The following SLC9A2 variants were observed in gnomAD, a reference collection of about 807,000 sequenced individuals.
The protein encoded by SLC9A2 is sodium/hydrogen exchanger 2.
SLC9A2 carries 42 observed loss-of-function variants against 71.7 expected under a neutral mutation model. That is an observed-to-expected ratio of 0.59 (90% CI 0.46 to 0.76). The LOEUF is 0.76. SLC9A2 is among the 30% of genes least tolerant of loss of function. The pLI, the probability that SLC9A2 is intolerant of heterozygous loss-of-function variation, is 0.00. For synonymous variants in SLC9A2, 396 were observed against 392.5 expected, an observed-to-expected ratio of 1.01 and a Z score of -0.10; for missense variants, 829 against 1,017.4, an observed-to-expected ratio of 0.81 and a Z score of 2.52.
At chr2:102,697,663 C>T (rs1677793334) in intron 7 of SLC9A2, among the ~76,000 whole-genome samples, 1 of 146,272 alleles carries the variant, frequency 6.8e-6, no homozygotes, top group African/African-American at 2.5e-5. Context: ...CTGTATATCA[C>T]AGGTAGAGCA....
In SLC9A2 at chr2:102,619,910, T is replaced by C; in HGVS notation, c.62T>C (p.Leu21Pro). 1 of 1,598,606 alleles carries C rather than the reference T, an allele frequency of 6.3e-7. No homozygotes were observed. ...CCACTGCCTCCGATGCTGTTGCTGC[T>C]GCTCCTGCAGGTGGCGGGGCCCGTG... ...RAPLPPMLLL[L>P]LLQVAGPVGA... Residue 21 changes from leucine (L) to proline (P), a missense_variant, in exon 1 of 12, where the codon CTG becomes CCG. By Grantham distance (98) the Leu-to-Pro change is moderately conservative. Coordinates refer to ENST00000233969, the MANE Select transcript of SLC9A2 (RefSeq NM_003048.6). This position sits in a 1 kb window ranked among gnomAD's most constrained non-coding sequence, Gnocchi z 4.3.
chr2:102,670,974 C>G (rs1379768828), intron 3 of SLC9A2, among the ~76,000 whole-genome samples: 1 of 147,490 alleles, frequency 6.8e-6, no homozygotes, highest in Non-Finnish European at 1.5e-5. Context: ...GCCAGAATAA[C>G]CAGTTCAACA....
intron 1 of SLC9A2, among the ~76,000 whole-genome samples, chr2:102,630,298 T>C (rs1470968959): frequency 6.6e-6 from 1 of 152,038 alleles, no homozygotes; most frequent in Admixed American, 6.6e-5. Flanking sequence ...TAGTCTTGTA[T>C]GGAAACATCT....
intron 2 of SLC9A2, among the ~76,000 whole-genome samples, chr2:102,664,554 T>C (rs1274684316): frequency 2.6e-5 from 4 of 151,668 alleles, no homozygotes; most frequent in Non-Finnish European, 5.9e-5. Flanking sequence ...CATGTATGTG[T>C]GGGCGGGGAG....
At chr2:102,634,456 A>G (rs897006001) in intron 1 of SLC9A2, among the ~76,000 whole-genome samples, 2 of 152,156 alleles carry the variant, frequency 1.3e-5, no homozygotes, top group Non-Finnish European at 2.9e-5. Context: ...TGTTGTGAGG[A>G]TAGAGTTAAC....
At chr2:102,634,083 A>G (rs1476063805) in intron 1 of SLC9A2, among the ~76,000 whole-genome samples, 1 of 152,198 alleles carries the variant, frequency 6.6e-6, no homozygotes, top group African/African-American at 2.4e-5. Flanking sequence ...TAAATGAGTA[A>G]CTCAATAAAA....
At chr2:102,677,195 C>T (rs1312711452) in intron 3 of SLC9A2, among the ~76,000 whole-genome samples, 1 of 151,890 alleles carries the variant, frequency 6.6e-6, no homozygotes, top group Non-Finnish European at 1.5e-5. Flanking sequence ...TGGAGTAATA[C>T]AGAGGAAAAA....
intron 5 of SLC9A2, among the ~76,000 whole-genome samples, chr2:102,689,481 T>A (rs1163463791): frequency 6.7e-6 from 1 of 149,506 alleles, no homozygotes; most frequent in Non-Finnish European, 1.5e-5. Context: ...CCAACTGGAA[T>A]GATGATGCTC....
chr2:102,678,782 A>G (rs1677391809), intron 3 of SLC9A2, among the ~76,000 whole-genome samples: 1 of 152,056 alleles, frequency 6.6e-6, no homozygotes, highest in Non-Finnish European at 1.5e-5. Context: ...AGAAATGGAG[A>G]CTCATATGTA....
chr2:102,688,717 A>G (rs1677602526), intron 5 of SLC9A2, among the ~76,000 whole-genome samples: 1 of 152,234 alleles, frequency 6.6e-6, no homozygotes, highest in East Asian at 1.9e-4. Flanking sequence ...ACAGAGCAAG[A>G]CTCTGTCTCA....
intron 1 of SLC9A2, among the ~76,000 whole-genome samples, chr2:102,649,714 A>G (rs1348569961): frequency 2.0e-5 from 3 of 152,232 alleles, no homozygotes; most frequent in South Asian, 4.1e-4. Flanking sequence ...AACAAACATG[A>G]AAAAAAGCTC....
At chr2:102,665,530 T>A (rs1208655363) in intron 3 of SLC9A2, among the ~76,000 whole-genome samples, 180 bp downstream of exon 3, 1 of 151,994 alleles carries the variant, frequency 6.6e-6, no homozygotes. Context: ...ATCCCAGCAC[T>A]TTGGGAGGCC....
At position 102,683,405 on chromosome 2, in the gene SLC9A2, G is replaced by A. The variant is rs1677491924; in HGVS notation, c.1149G>A (p.Val383=). Reference sequence around the variant, plus strand: ...TCATCTTCATGGGTGTGTCTACCGTGGGCAAGAACCACGAGTGGAACTGGG... The same window carrying A: ...TCATCTTCATGGGTGTGTCTACCGTAGGCAAGAACCACGAGTGGAACTGGG... ...LIFIFMGVST[V]GKNHEWNWAF... is the part of the protein sequence containing the mutation. The change falls in exon 4 of 12, where the codon GTG becomes GTA. Residue 383 remains valine (V), a synonymous_variant. Coordinates refer to ENST00000233969, the MANE Select transcript of SLC9A2 (RefSeq NM_003048.6). The A allele has an allele frequency of 1.2e-6, 2 of 1,614,176 alleles. No individual in the cohort carries two copies. Among genetic ancestry groups the A allele is most frequent in the Non-Finnish European group, 1.7e-6 (2 of 1,180,022 alleles).
chr2:102,705,012 G>C (rs984439625), intron 10 of SLC9A2, among the ~76,000 whole-genome samples: 4 of 152,018 alleles, frequency 2.6e-5, no homozygotes. Context: ...GACCAGCCTG[G>C]GCAACACGGT....
chr2:102,709,438 G>C lies in SLC9A2; in HGVS notation c.*949G>C, dbSNP rs1425099645. The C allele has an allele frequency of 6.6e-6, 1 of 152,418 alleles. No individual in the cohort carries two copies. Among genetic ancestry groups the C allele is most frequent in the Non-Finnish European group, 1.5e-5 (1 of 68,038 alleles). The allele number at this position is 152,418 out of a possible 1,614,324, so 9.4% of individuals were successfully genotyped here. A position where few individuals can be genotyped will look rare whatever the true frequency, so the allele number is the denominator to read the frequency against. ...TGCTGATCTATGATCACCTGCTTCAGTAGAATTTTTCTGTAGAGTGTTGTT... is the reference window on the plus strand; with the variant it reads ...TGCTGATCTATGATCACCTGCTTCACTAGAATTTTTCTGTAGAGTGTTGTT... On this transcript the variant is annotated 3_prime_UTR_variant, in exon 12 of 12. Coordinates refer to ENST00000233969, the MANE Select transcript of SLC9A2 (RefSeq NM_003048.6).
chr2:102,622,429 G>A (rs1202224504), intron 1 of SLC9A2, among the ~76,000 whole-genome samples: 1 of 152,048 alleles, frequency 6.6e-6, no homozygotes, highest in African/African-American at 2.4e-5. Context: ...TATCTCCTTT[G>A]TTCATCATTC....
At chr2:102,686,900 G>A (rs1212202890) in intron 5 of SLC9A2, 1 of 152,458 alleles carries the variant, frequency 6.6e-6, no homozygotes, top group Admixed American at 6.5e-5. Flanking sequence ...GGTGGTTAAA[G>A]GCCATGATAG....
At chr2:102,651,237 T>C (rs1009268529) in intron 1 of SLC9A2, among the ~76,000 whole-genome samples, 2 of 152,232 alleles carry the variant, frequency 1.3e-5, no homozygotes, top group Admixed American at 1.3e-4. Flanking sequence ...CTTCTGTTTT[T>C]CAAAGGCAGC....
chr2:102,684,461 A>G, intron 5 of SLC9A2, 125 bp downstream of exon 5: 2 of 883,328 alleles, frequency 2.3e-6, no homozygotes, highest in Non-Finnish European at 3.7e-6. Context: ...AGGGAAAATG[A>G]TATTTCCTGT....
Sources: allele counts gnomAD v4.1 joint callset (sites outside exome capture counted in the v4.1 genomes callset), GRCh38; gene constraint gnomAD v4.1.1; non-coding constraint Gnocchi (gnomAD v3.1); transcripts MANE v1.5; gene names NCBI Gene and HGNC (gene_info 2026-07-23, HGNC 2026-07-21).